The following TMED3 variants were observed in gnomAD, a reference collection of about 807,000 sequenced individuals.
TMED3 encodes the protein transmembrane emp24 domain-containing protein 3.
Under a neutral mutation model 15.0 loss-of-function variants are expected in TMED3, and 9 were observed. The ratio of observed to expected loss-of-function variants is 0.60; its 90% CI spans 0.36 to 1.04. TMED3 has a LOEUF of 1.04. Ranked by LOEUF, TMED3 falls within the 50% of genes least tolerant of loss-of-function variation. TMED3 has a pLI of 0.01. For missense variants in TMED3, 267 were observed against 278.9 expected (o/e 0.96, Z 0.30); for synonymous variants, 117 against 121.4 (o/e 0.96, Z 0.24).
At chr15:79,315,129 C>T (rs1437171338) in intron 2 of TMED3, among the ~76,000 whole-genome samples, 1 of 152,228 alleles carries the variant, frequency 6.6e-6, no homozygotes, top group Non-Finnish European at 1.5e-5. Context: ...TCCTCTGTGG[C>T]TCTGGGCACA....
chr15:79,355,839 C>A (rs759900643), intron 2 of TMED3, among the ~76,000 whole-genome samples: 19 of 152,152 alleles, frequency 1.2e-4, no homozygotes, highest in Non-Finnish European at 2.2e-4. Flanking sequence ...TTGTGGTTTC[C>A]TGGGTGGCAT....
downstream of TMED3, among the ~76,000 whole-genome samples, chr15:79,326,118 A>G (rs190013948): frequency 2.6e-3 from 390 of 152,308 alleles, 3 homozygotes; most frequent in African/African-American, 9.0e-3. Flanking sequence ...GTACTAATCA[A>G]TGAAGGAACC....
chr15:79,391,830 A>G (rs1239786693), intron 2 of TMED3, among the ~76,000 whole-genome samples: 1 of 152,202 alleles, frequency 6.6e-6, no homozygotes, highest in Non-Finnish European at 1.5e-5. Context: ...TTACCATTAT[A>G]TAATGTCCCT....
At chr15:79,357,186 TA>T in intron 2 of TMED3, among the ~76,000 whole-genome samples, 1 of 152,168 alleles carries the variant, frequency 6.6e-6, no homozygotes, top group South Asian at 2.1e-4. Flanking sequence ...TTTCATATTT[TA>T]AAAAAACAAG....
intron 2 of TMED3, among the ~76,000 whole-genome samples, chr15:79,380,596 T>G (rs62025989): frequency 0.38 from 55,064 of 144,886 alleles, 10,554 homozygotes; most frequent in East Asian, 0.5. Flanking sequence ...TATATATATA[T>G]ATATAGAGAG....
At chr15:79,353,485 A>G (rs1246476683) in intron 2 of TMED3, among the ~76,000 whole-genome samples, 6 of 71,560 alleles carry the variant, frequency 8.4e-5, no homozygotes, top group African/African-American at 3.0e-4. Context: ...AAAGGTCCCA[A>G]TGACTATGGC....
At chr15:79,334,586 G>A (rs1432942435) in intron 2 of TMED3, among the ~76,000 whole-genome samples, 1 of 152,118 alleles carries the variant, frequency 6.6e-6, no homozygotes, top group Middle Eastern at 3.2e-3. Flanking sequence ...CCTCTGACTC[G>A]CAGCTTGCTT....
chr15:79,394,730 T>A (rs1446569800), intron 2 of TMED3, among the ~76,000 whole-genome samples: 2 of 152,230 alleles, frequency 1.3e-5, no homozygotes, highest in East Asian at 3.8e-4. Context: ...GAATAGAGAA[T>A]AATATCATAC....
chr15:79,403,514 C>G (rs78237077), intron 2 of TMED3, among the ~76,000 whole-genome samples: 3,487 of 152,186 alleles, frequency 0.023, 138 homozygotes, highest in African/African-American at 0.079. Context: ...TGAAAAAGCA[C>G]TAAGAGCCGC....
chr15:79,349,883 C>T (rs1373077457), intron 2 of TMED3, among the ~76,000 whole-genome samples: 1 of 152,212 alleles, frequency 6.6e-6, no homozygotes, highest in Non-Finnish European at 1.5e-5. Context: ...TTGAAACTCA[C>T]CTTTCAGAAA....
At chr15:79,371,314 C>G (rs1893334269) in intron 2 of TMED3, among the ~76,000 whole-genome samples, 1 of 152,040 alleles carries the variant, frequency 6.6e-6, no homozygotes, top group Admixed American at 6.6e-5. Flanking sequence ...TATAAAATGT[C>G]TTTTGTTGAT....
At chr15:79,326,149 C>T (rs2141220751), downstream of TMED3, among the ~76,000 whole-genome samples, 1 of 152,198 alleles carries the variant, frequency 6.6e-6, no homozygotes, top group African/African-American at 2.4e-5. Context: ...CATAATGATT[C>T]AAAAGATAAT....
At chr15:79,411,539 G>T (rs1893979838) in exon 3 of TMED3, 1 of 700,502 alleles carries the variant, frequency 1.4e-6, no homozygotes, top group Non-Finnish European at 2.6e-6. Flanking sequence ...AGAGTGGATG[G>T]AGGGAAGACA....
intron 2 of TMED3, among the ~76,000 whole-genome samples, chr15:79,353,003 A>AATATATATTATATAAAATATATATATTTT (rs1342359599): frequency 0.019 from 2,111 of 111,614 alleles, 36 homozygotes; most frequent in Non-Finnish European, 0.03. Context: ...TGTTATATAA[A>AATATATATTATATAAAATATATATATTTT]ATATATATTA....
chr15:79,391,955 G>T (rs563519660), intron 2 of TMED3, among the ~76,000 whole-genome samples: 1 of 152,180 alleles, frequency 6.6e-6, no homozygotes, highest in African/African-American at 2.4e-5. Context: ...CACCCTTTCA[G>T]TTTAAGTTTA....
At chr15:79,351,841 A>G (rs1456524675) in intron 2 of TMED3, among the ~76,000 whole-genome samples, 2 of 152,206 alleles carry the variant, frequency 1.3e-5, no homozygotes, top group African/African-American at 2.4e-5. Context: ...CTCTCAATCA[A>G]CAAGTGGATA....
In TMED3 at chr15:79,322,427, G is replaced by A. The variant is rs2058771938; in HGVS notation, c.*213G>A. 1 of 1,400,456 alleles carries A rather than the reference G, an allele frequency of 7.1e-7. No homozygotes were observed. Among genetic ancestry groups the A allele is most frequent in the Non-Finnish European group, 9.3e-7 (1 of 1,080,494 alleles). The allele number at this position is 1,400,456 out of a possible 1,614,324, so 86.8% of individuals were successfully genotyped here. A position where few individuals can be genotyped will look rare whatever the true frequency, so the allele number is the denominator to read the frequency against. ...CAGAAGGCATCCGACTGCATTAAGT[G>A]TGCAGCGCTGAAAAGACATTTACAA... On this transcript the variant is annotated 3_prime_UTR_variant, in exon 3 of 3. Coordinates refer to ENST00000299705, the MANE Select transcript of TMED3 (RefSeq NM_007364.4).
chr15:79,332,709 C>T (rs747095163), intron 2 of TMED3, among the ~76,000 whole-genome samples: 6 of 152,154 alleles, frequency 3.9e-5, no homozygotes, highest in African/African-American at 4.8e-5. Flanking sequence ...TCCAGGCCCA[C>T]GGACCTACCT....
intron 2 of TMED3, among the ~76,000 whole-genome samples, chr15:79,377,942 G>A (rs1023380769): frequency 1.2e-4 from 18 of 152,176 alleles, no homozygotes; most frequent in African/African-American, 3.9e-4. Context: ...CACCGCGCCC[G>A]GCTGAACAAA....
Sources: gnomAD v4.1 joint callset for allele counts (sites outside exome capture counted in the v4.1 genomes callset) on GRCh38, gnomAD v4.1.1 for gene constraint, MANE v1.5 for transcripts, NCBI Gene and HGNC (gene_info 2026-07-23, HGNC 2026-07-21) for gene names.